Variants in TMEM175 observed in about 807,000 individuals in gnomAD.
The protein encoded by TMEM175 is endosomal/lysosomal proton channel TMEM175.
TMEM175 carries 36 observed loss-of-function variants against 36.5 expected under a neutral mutation model. The ratio of observed to expected loss-of-function variants is 0.99; its 90% CI spans 0.76 to 1.30. The LOEUF is 1.30. Ranked by LOEUF, TMEM175 falls within the 50% of genes most tolerant of loss-of-function variation. The pLI is 0.00. For missense variants in TMEM175, 705 were observed against 692.8 expected, an observed-to-expected ratio of 1.02 and a Z score of -0.20; for synonymous variants, 339 against 313.4, an observed-to-expected ratio of 1.08 and a Z score of -0.86.
intron 1 of TMEM175, among the ~76,000 whole-genome samples, chr4:940,608 C>A (rs755189633): frequency 3.9e-5 from 6 of 152,070 alleles, no homozygotes; most frequent in Non-Finnish European, 7.4e-5. Flanking sequence ...GAATACAGCA[C>A]AGAATGAAGC....
chr4:954,421 T>C (rs962430066), intron 8 of TMEM175, among the ~76,000 whole-genome samples: 2 of 152,172 alleles, frequency 1.3e-5, no homozygotes, highest in African/African-American at 4.8e-5. Flanking sequence ...GCTTGGAGAA[T>C]GTGAGCCACT....
chr4:943,771 A>C (rs1232247428), intron 1 of TMEM175, among the ~76,000 whole-genome samples: 1 of 152,222 alleles, frequency 6.6e-6, no homozygotes. Context: ...GCCTGTGTGC[A>C]AACGTTTATA....
At chr4:954,700 A>C (rs1441643257) in intron 8 of TMEM175, among the ~76,000 whole-genome samples, 2 of 152,082 alleles carry the variant, frequency 1.3e-5, no homozygotes, top group East Asian at 3.8e-4. Flanking sequence ...TAATTTTTTA[A>C]GTTTAATTTT....
intron 9 of TMEM175, 52 bp from the exon 10 acceptor site, chr4:955,703 C>G (rs1399741214): frequency 6.3e-7 from 1 of 1,595,214 alleles, no homozygotes. Context: ...CACGCGGGCT[C>G]TACCTCCACA....
At chr4:948,237 A>G in intron 3 of TMEM175, 83 bp downstream of exon 3, 3 of 1,611,634 alleles carry the variant, frequency 1.9e-6, no homozygotes, top group Non-Finnish European at 2.5e-6. Context: ...CAGGGTGCTG[A>G]CCCTGCACGC....
chr4:940,636 C>G (rs1727332075), intron 1 of TMEM175, among the ~76,000 whole-genome samples: 1 of 151,968 alleles, frequency 6.6e-6, no homozygotes, highest in South Asian at 2.1e-4. Context: ...AAACTATGGA[C>G]TTAGGTTAAT....
intron 1 of TMEM175, among the ~76,000 whole-genome samples, chr4:945,325 G>T (rs6599389): frequency 6.6e-6 from 1 of 151,832 alleles, no homozygotes. Flanking sequence ...ACTCCCCGCC[G>T]TTTGTTGCTG....
chr4:934,543 G>C (rs1406120011), intron 1 of TMEM175, among the ~76,000 whole-genome samples: 1 of 152,232 alleles, frequency 6.6e-6, no homozygotes, highest in Non-Finnish European at 1.5e-5. Flanking sequence ...GTAGAGGGAT[G>C]AAGAGATGAT....
chr4:948,254 G>A (rs919035662), intron 3 of TMEM175, 100 bp downstream of exon 3: 4 of 1,607,612 alleles, frequency 2.5e-6, no homozygotes, highest in Non-Finnish European at 2.5e-6. Flanking sequence ...ACGCCTCGAA[G>A]CTTCTGAGGC....
At position 932,576 on chromosome 4, in the gene TMEM175, T is replaced by C. The variant is rs1726111444; in HGVS notation, c.-32+36T>C. 2 of 410,346 alleles carry C rather than the reference T, an allele frequency of 4.9e-6. No homozygotes were observed. Among genetic ancestry groups the C allele is most frequent in the Non-Finnish European group, 8.6e-6 (2 of 233,344 alleles). The allele number at this position is 410,346 out of a possible 1,614,324, so 25.4% of individuals were successfully genotyped here. A position where few individuals can be genotyped will look rare whatever the true frequency, so the allele number is the denominator to read the frequency against. ...GCCCCAGTCCAGCTCCCGGTACCGT[T>C]CCCCACATGGTCTGTTTTGTGGGAG... On this transcript the variant is annotated intron_variant, in intron 1 of 10. Coordinates refer to ENST00000264771, the MANE Select transcript of TMEM175 (RefSeq NM_032326.4). This position sits in a 1 kb window ranked among gnomAD's most constrained non-coding sequence, Gnocchi z 4.0.
chr4:933,882 A>T (rs928008993), intron 1 of TMEM175, among the ~76,000 whole-genome samples: 4 of 152,238 alleles, frequency 2.6e-5, no homozygotes, highest in African/African-American at 9.6e-5. Context: ...CATCTTTAAA[A>T]ATATATATAA....
intron 10 of TMEM175, chr4:956,382 G>A (rs1232097670): frequency 1.6e-6 from 2 of 1,290,066 alleles, no homozygotes; most frequent in Non-Finnish European, 2.0e-6. Context: ...GGCCTCATCT[G>A]CCTCTTCGTC....
chr4:956,334 G>A (rs977151789), intron 10 of TMEM175: 35 of 1,289,502 alleles, frequency 2.7e-5, no homozygotes, highest in Middle Eastern at 2.1e-4. Flanking sequence ...TGCTCCCTTT[G>A]GCTGGCTGTT....
intron 8 of TMEM175, among the ~76,000 whole-genome samples, chr4:954,278 C>T (rs1261745436): frequency 6.6e-6 from 1 of 152,200 alleles, no homozygotes; most frequent in African/African-American, 2.4e-5. Context: ...TGAGCCACTG[C>T]GTCCAGCCTA....
intron 1 of TMEM175, among the ~76,000 whole-genome samples, chr4:945,172 G>GAGGCAGCCTGTCATGGCAGTCCCAT (rs1560479955): frequency 1.1e-4 from 16 of 151,964 alleles, no homozygotes; most frequent in Admixed American, 5.2e-4. Context: ...GGCAGTCCCA[G>GAGGCAGCCTGTCATGGCAGTCCCAT]TGAGACTGCC....
chr4:955,539 GC>G (rs1222508412), intron 9 of TMEM175, 56 bp downstream of exon 9: 1 of 1,562,508 alleles, frequency 6.4e-7, no homozygotes, highest in South Asian at 1.1e-5. Flanking sequence ...CCACCTCCGT[GC>G]GGCTGCTCCG....
chr4:955,708 T>A (rs774069726), intron 9 of TMEM175, 47 bp from the exon 10 acceptor site: 1 of 1,597,330 alleles, frequency 6.3e-7, no homozygotes, highest in Non-Finnish European at 8.5e-7. Context: ...GGGCTCTACC[T>A]CCACATGGGG....
rs1357190604 is a variant in TMEM175 at position 946,828 on chromosome 4, C to T, written c.-31-881C>T. Among the ~76,000 whole-genome samples the T allele has an allele frequency of 4.6e-5, 7 of 152,162 alleles. No homozygotes were observed. The South Asian group carries it at 6.2e-4, about 14-fold the overall frequency. ...CCCCAAAGGTCACCAAGGGAGAGCG[C>T]GGCCCCTGTAGGAAACAGCCCCAGG... is the stretch of plus-strand genomic sequence containing the variant. On this transcript the variant is annotated intron_variant, in intron 1 of 10. Transcript: ENST00000264771.
intron 1 of TMEM175, 64 bp from the exon 2 acceptor site, chr4:947,645 G>T: frequency 7.3e-7 from 1 of 1,377,686 alleles, no homozygotes. Context: ...CACCAGGGCT[G>T]AGGCTGCATG....
Sources: allele counts gnomAD v4.1 joint callset (sites outside exome capture counted in the v4.1 genomes callset), GRCh38; gene constraint gnomAD v4.1.1; non-coding constraint Gnocchi (gnomAD v3.1); transcripts MANE v1.5; gene names NCBI Gene and HGNC (gene_info 2026-07-23, HGNC 2026-07-21).